The following ANXA8 variants were observed in gnomAD, a reference collection of about 807,000 sequenced individuals.
ANXA8 encodes VAC-beta.
ANXA8 carries 9 observed loss-of-function variants against 26.8 expected under a neutral mutation model. That is an observed-to-expected ratio of 0.34 (90% confidence interval 0.20 to 0.59). The LOEUF (loss-of-function observed/expected upper bound fraction) is 0.59, where lower values mean the gene tolerates loss of function less well. Ranked by LOEUF, ANXA8 falls within the 20% of genes least tolerant of loss-of-function variation. The pLI, the probability that ANXA8 is intolerant of heterozygous loss-of-function variation, is 0.84. For synonymous variants in ANXA8, 39 were observed against 94.8 expected, an observed-to-expected ratio of 0.41 and a Z score of 3.42; for missense variants, 83 against 238.5, an observed-to-expected ratio of 0.35 and a Z score of 4.29.
the ANXA8 span, among the ~76,000 whole-genome samples, chr10:47,687,961 G>GT: frequency 1.3e-5 from 2 of 151,780 alleles, no homozygotes; most frequent in Admixed American, 6.6e-5. Flanking sequence ...TTAGCTGGGC[G>GT]TGGTGGTAGA....
At chr10:47,952,639 A>G in the ANXA8 span, among the ~76,000 whole-genome samples, 1 of 146,744 alleles carries the variant, frequency 6.8e-6, no homozygotes, top group Admixed American at 6.7e-5. Context: ...AAATTGACAA[A>G]GCGATTCCAA....
At chr10:47,598,901 T>TGG in the ANXA8 span, among the ~76,000 whole-genome samples, 1 of 86,446 alleles carries the variant, frequency 1.2e-5, no homozygotes, top group East Asian at 2.4e-4. Flanking sequence ...AAATATTAAA[T>TGG]AATCAAATAA....
chr10:47,949,947 T>C, the ANXA8 span, among the ~76,000 whole-genome samples: 21 of 150,562 alleles, frequency 1.4e-4, no homozygotes, highest in African/African-American at 4.9e-4. Context: ...AAAATTCCAA[T>C]AAAAAGACAA....
At chr10:47,720,290 T>A in the ANXA8 span, among the ~76,000 whole-genome samples, 2 of 143,556 alleles carry the variant, frequency 1.4e-5, no homozygotes, top group Non-Finnish European at 3.0e-5. Flanking sequence ...GAGATTTTAT[T>A]GTCTTCAAAC....
At chr10:47,701,461 G>C in the ANXA8 span, among the ~76,000 whole-genome samples, 1 of 151,884 alleles carries the variant, frequency 6.6e-6, no homozygotes. Context: ...ATATATAGGA[G>C]AATGATTCAC....
the ANXA8 span, among the ~76,000 whole-genome samples, chr10:47,654,215 G>A: frequency 9.1e-3 from 1,350 of 148,344 alleles, 10 homozygotes; most frequent in African/African-American, 0.033. Flanking sequence ...GGGTTAAAAC[G>A]TGAATTGGAT....
At chr10:47,953,784 T>C in the ANXA8 span, among the ~76,000 whole-genome samples, 2 of 150,938 alleles carry the variant, frequency 1.3e-5, no homozygotes, top group East Asian at 4.1e-4. Context: ...CATAGGCATA[T>C]GAAAAGGTGC....
the ANXA8 span, among the ~76,000 whole-genome samples, chr10:47,623,960 G>T: frequency 1.0e-5 from 1 of 98,714 alleles, no homozygotes; most frequent in African/African-American, 4.0e-5. Context: ...AAGGTGGCCG[G>T]GCGCAGTGGC....
the ANXA8 span, among the ~76,000 whole-genome samples, chr10:47,560,942 C>T: frequency 2.0e-5 from 3 of 151,490 alleles, no homozygotes; most frequent in Non-Finnish European, 4.4e-5. Context: ...TCCTGAGCAT[C>T]TGGGACTACG....
At chr10:47,670,974 G>T in the ANXA8 span, among the ~76,000 whole-genome samples, 3 of 150,910 alleles carry the variant, frequency 2.0e-5, no homozygotes, top group Admixed American at 2.0e-4. Context: ...CGACACAAGG[G>T]TTATAAAGGA....
At chr10:47,721,054 G>A in the ANXA8 span, among the ~76,000 whole-genome samples, 1 of 140,840 alleles carries the variant, frequency 7.1e-6, no homozygotes, top group Non-Finnish European at 1.6e-5. Context: ...GGCTGAGGCA[G>A]GAGGATTGTT....
chr10:47,764,803 G>GC, the ANXA8 span, among the ~76,000 whole-genome samples: 1 of 81,060 alleles, frequency 1.2e-5, no homozygotes, highest in East Asian at 3.7e-4. Context: ...AGTACCCTAA[G>GC]CCCCCACATT....
the ANXA8 span, among the ~76,000 whole-genome samples, chr10:47,970,718 G>A: frequency 1.3e-5 from 2 of 151,402 alleles, no homozygotes; most frequent in Admixed American, 6.6e-5. Context: ...TTTTGGAACT[G>A]CCAGTGTGTT....
the ANXA8 span, among the ~76,000 whole-genome samples, chr10:47,553,156 C>G: frequency 6.6e-6 from 1 of 151,962 alleles, no homozygotes; most frequent in African/African-American, 2.4e-5. Context: ...GTTTCTCTCC[C>G]TTTTCTTCTT....
At chr10:47,585,178 G>A in the ANXA8 span, among the ~76,000 whole-genome samples, 329 of 126,110 alleles carry the variant, frequency 2.6e-3, 2 homozygotes, top group Non-Finnish European at 3.6e-3. Flanking sequence ...CAGGGACAAC[G>A]GCTCAAACCT....
At chr10:47,548,692 C>T in the ANXA8 span, among the ~76,000 whole-genome samples, 11 of 149,242 alleles carry the variant, frequency 7.4e-5, no homozygotes, top group Non-Finnish European at 1.5e-4. Flanking sequence ...GTACATTTTC[C>T]ACACGCTGAG....
chr10:47,645,409 C>A, the ANXA8 span, among the ~76,000 whole-genome samples: 1 of 147,964 alleles, frequency 6.8e-6, no homozygotes, highest in Non-Finnish European at 1.5e-5. Context: ...CTGCAGGATG[C>A]AAAAACTTTC....
chr10:47,665,549 C>T, the ANXA8 span, among the ~76,000 whole-genome samples: 1 of 150,244 alleles, frequency 6.7e-6, no homozygotes, highest in Non-Finnish European at 1.5e-5. Flanking sequence ...ATTTTAAGCT[C>T]CTGATAGAAG....
At chr10:47,740,334 C>G in the ANXA8 span, among the ~76,000 whole-genome samples, 2 of 148,128 alleles carry the variant, frequency 1.4e-5, no homozygotes. Flanking sequence ...TTGGGTCAAT[C>G]AGATCCTTTT....
Sources: gnomAD v4.1 joint callset for allele counts (sites outside exome capture counted in the v4.1 genomes callset) on GRCh38, gnomAD v4.1.1 for gene constraint, MANE v1.5 for transcripts, NCBI Gene and HGNC (gene_info 2026-07-23, HGNC 2026-07-21) for gene names.